Variants in RPS6KC1 observed in about 807,000 individuals in gnomAD.
The protein encoded by RPS6KC1 is ribosomal protein S6 kinase C1, also known as inactive ribosomal protein S6 kinase delta-1.
In RPS6KC1, 54 loss-of-function variants were observed where a neutral mutation model predicts 103.8. The observed-to-expected ratio is 0.52, with a 90% CI of 0.42 to 0.65. RPS6KC1 has a LOEUF of 0.65. Among genes scored for constraint, RPS6KC1 ranks in the 30% least tolerant of loss-of-function variants. RPS6KC1 has a pLI of 0.00. For missense variants in RPS6KC1, 1,151 were observed against 1,253.8 expected (o/e 0.92, Z 1.24); for synonymous variants, 439 against 438.7 (o/e 1.00, Z -0.01).
chr1:213,151,146 T>C (rs1393910706), intron 6 of RPS6KC1, among the ~76,000 whole-genome samples: 120 of 105,694 alleles, frequency 1.1e-3, no homozygotes, highest in Middle Eastern at 7.0e-3. Flanking sequence ...CCCTCCCGGA[T>C]GGGGCGGCTG....
the RPS6KC1 span, among the ~76,000 whole-genome samples, chr1:213,576,054 A>T: frequency 6.6e-6 from 1 of 152,014 alleles, no homozygotes; most frequent in Non-Finnish European, 1.5e-5. Context: ...TTTAGGTGGG[A>T]CCTTGCTGAA....
At chr1:213,195,945 G>T (rs1194939766) in intron 8 of RPS6KC1, among the ~76,000 whole-genome samples, 1 of 152,080 alleles carries the variant, frequency 6.6e-6, no homozygotes, top group Non-Finnish European at 1.5e-5. Context: ...ATAAATGTGT[G>T]TGCAAGTGTC....
At chr1:213,276,655 T>G (rs970012636), downstream of RPS6KC1, among the ~76,000 whole-genome samples, 6 of 152,224 alleles carry the variant, frequency 3.9e-5, no homozygotes, top group African/African-American at 1.4e-4. Flanking sequence ...GGTACTTAAC[T>G]GTTTTCTTAT....
the RPS6KC1 span, among the ~76,000 whole-genome samples, chr1:213,480,081 C>T: frequency 0.05 from 7,544 of 152,004 alleles, 598 homozygotes; most frequent in African/African-American, 0.16. Context: ...ATATCTTACT[C>T]ATTTGTGGAC....
the RPS6KC1 span, among the ~76,000 whole-genome samples, chr1:213,646,230 C>A: frequency 6.6e-6 from 1 of 152,064 alleles, no homozygotes; most frequent in Non-Finnish European, 1.5e-5. Flanking sequence ...GGCTTTGGGG[C>A]TAGTGTAGTG....
At chr1:213,199,464 C>A (rs536012061) in intron 8 of RPS6KC1, among the ~76,000 whole-genome samples, 1 of 152,296 alleles carries the variant, frequency 6.6e-6, no homozygotes, top group East Asian at 1.9e-4. Context: ...AGGCTAAAAA[C>A]TCTCAATAAA....
At chr1:213,683,920 C>T in the RPS6KC1 span, among the ~76,000 whole-genome samples, 1 of 152,178 alleles carries the variant, frequency 6.6e-6, no homozygotes, top group Admixed American at 6.5e-5. Context: ...GGGCACCTTT[C>T]CAGGCACCAC....
At chr1:213,264,173 G>A (rs150285791) in intron 14 of RPS6KC1, among the ~76,000 whole-genome samples, 1 of 152,296 alleles carries the variant, frequency 6.6e-6, no homozygotes, top group East Asian at 1.9e-4. Flanking sequence ...TTTGGAGTTT[G>A]TGGAGAAGAG....
At chr1:213,635,040 C>T in the RPS6KC1 span, among the ~76,000 whole-genome samples, 49 of 152,050 alleles carry the variant, frequency 3.2e-4, no homozygotes, top group East Asian at 7.5e-3. Flanking sequence ...GATAAATTCC[C>T]GGACACATAC....
the RPS6KC1 span, among the ~76,000 whole-genome samples, chr1:213,857,773 G>A: frequency 3.3e-5 from 5 of 152,194 alleles, no homozygotes; most frequent in Non-Finnish European, 7.3e-5. Flanking sequence ...TGCTTGGGCA[G>A]CATCTGGGCC....
At chr1:213,085,329 A>G (rs1353352884) in intron 3 of RPS6KC1, among the ~76,000 whole-genome samples, 6 of 152,164 alleles carry the variant, frequency 3.9e-5, no homozygotes, top group African/African-American at 1.4e-4. Context: ...GCCCATCCAG[A>G]TAATCCAGGA....
the RPS6KC1 span, among the ~76,000 whole-genome samples, chr1:213,332,346 T>C: frequency 6.6e-5 from 10 of 152,338 alleles, no homozygotes; most frequent in African/African-American, 1.7e-4. Flanking sequence ...TCACAGTCCT[T>C]TTAAAATACC....
At chr1:213,495,224 A>G in the RPS6KC1 span, among the ~76,000 whole-genome samples, 16 of 152,362 alleles carry the variant, frequency 1.1e-4, no homozygotes, top group African/African-American at 3.8e-4. Context: ...CACATAATGT[A>G]TTTATTGTGT....
At chr1:213,154,186 C>T (rs992179870) in intron 6 of RPS6KC1, among the ~76,000 whole-genome samples, 1 of 152,248 alleles carries the variant, frequency 6.6e-6, no homozygotes, top group South Asian at 2.1e-4. Flanking sequence ...ACCACTATGA[C>T]TGCTCTGCAT....
chr1:213,691,590 C>G, the RPS6KC1 span, among the ~76,000 whole-genome samples: 1 of 152,162 alleles, frequency 6.6e-6, no homozygotes, highest in South Asian at 2.1e-4. Context: ...AGAAGTGTTT[C>G]GGTCTCCAAA....
chr1:213,737,443 A>T, the RPS6KC1 span, among the ~76,000 whole-genome samples: 1 of 152,230 alleles, frequency 6.6e-6, no homozygotes, highest in Non-Finnish European at 1.5e-5. Flanking sequence ...ACCTGGAAAC[A>T]GGTAGGTTTA....
the RPS6KC1 span, among the ~76,000 whole-genome samples, chr1:213,579,016 G>A: frequency 6.6e-6 from 1 of 152,196 alleles, no homozygotes; most frequent in Admixed American, 6.5e-5. Context: ...TAATCCCCAT[G>A]TGTCGTGGGA....
At chr1:213,620,001 T>G in the RPS6KC1 span, among the ~76,000 whole-genome samples, 3 of 152,156 alleles carry the variant, frequency 2.0e-5, no homozygotes, top group African/African-American at 7.2e-5. Context: ...TTCAGAAAAT[T>G]TAATCCATCT....
At chr1:213,576,533 TTTTGATATTACTATTG>T in the RPS6KC1 span, among the ~76,000 whole-genome samples, 3 of 152,134 alleles carry the variant, frequency 2.0e-5, no homozygotes, top group Non-Finnish European at 4.4e-5. Flanking sequence ...TGATCATCAG[TTTTGATATTACTATTG>T]TAATTGTTTG....
Sources: allele counts gnomAD v4.1 joint callset (sites outside exome capture counted in the v4.1 genomes callset), GRCh38; gene constraint gnomAD v4.1.1; transcripts MANE v1.5; gene names NCBI Gene and HGNC (gene_info 2026-07-23, HGNC 2026-07-21).